Variants in WDR49 observed in about 807,000 individuals in gnomAD.
The protein encoded by WDR49 is WD repeat domain 49.
WDR49 carries 107 observed loss-of-function variants against 119.5 expected under a neutral mutation model. The observed-to-expected ratio is 0.90, with a 90% CI of 0.77 to 1.05. The LOEUF is 1.05. WDR49 is among the 50% of genes least tolerant of loss of function. WDR49 has a pLI of 0.00. For synonymous variants in WDR49, 425 were observed against 418.8 expected (o/e 1.01, Z -0.18); for missense variants, 1,240 against 1,220.5 (o/e 1.02, Z -0.24).
At chr3:167,535,423 G>C (rs1396957752) in intron 11 of WDR49, among the ~76,000 whole-genome samples, 1 of 152,014 alleles carries the variant, frequency 6.6e-6, no homozygotes, top group Non-Finnish European at 1.5e-5. Flanking sequence ...TTTAAAAATG[G>C]ACAAAAGACC....
intron 7 of WDR49, among the ~76,000 whole-genome samples, chr3:167,576,901 G>A (rs1051268993): frequency 4.6e-5 from 7 of 151,940 alleles, no homozygotes; most frequent in Middle Eastern, 3.2e-3. Flanking sequence ...ATATGTGTGT[G>A]TAGATACATG....
intron 2 of WDR49, among the ~76,000 whole-genome samples, chr3:167,646,823 C>CT (rs1718150406): frequency 6.6e-6 from 1 of 151,952 alleles, no homozygotes; most frequent in South Asian, 2.1e-4. Flanking sequence ...ATGTCGGTGC[C>CT]TAGAGAATCA....
intron 4 of WDR49, among the ~76,000 whole-genome samples, chr3:167,621,009 C>G (rs533141583): frequency 2.0e-5 from 3 of 151,276 alleles, no homozygotes; most frequent in African/African-American, 7.3e-5. Flanking sequence ...CAGAGCTGCC[C>G]TCTCTAATCC....
chr3:167,532,902 T>A lies in WDR49; in HGVS notation c.2030A>T (p.Gln677Leu), dbSNP rs765117156. Residue 677 changes from glutamine to leucine, a missense_variant, in exon 12 of 19, where the codon CAG (glutamine) becomes CTG (leucine). By Grantham distance (113) the Gln-to-Leu change is moderately radical. Transcript: ENST00000682715. ...NAHHVLHPDY[Q>L]RLLKSKLDTK... ...ACCTAATTTTGACTTTAGCAACCTC[T>A]GGTAATCAGGGTGAAGAACATGGTG... is the stretch of plus-strand genomic sequence containing the variant. 2 of 1,609,572 alleles carry A rather than the reference T, an allele frequency of 1.2e-6. No homozygotes were observed. The highest frequency in any genetic ancestry group is 2.7e-5 in the African/African-American group (2 of 74,794).
In WDR49 at chr3:167,532,899, C is replaced by A. The variant is rs761759468; in HGVS notation, c.2033G>T (p.Arg678Met). 1 of 1,608,932 alleles carries A rather than the reference C, an allele frequency of 6.2e-7. No individual in the cohort carries two copies. The highest frequency in any genetic ancestry group is 8.5e-7 in the Non-Finnish European group (1 of 1,176,962). The change falls in exon 12 of 19, where the codon AGG (arginine) becomes ATG (methionine). Residue 678 changes from arginine to methionine, a missense_variant. Physicochemically the swap from Arg to Met is moderately conservative, Grantham distance 91 (BLOSUM62 -1). Transcript: ENST00000682715. ...AHHVLHPDYQRLLKSKLDTKP... is the reference protein window; with the variant it reads ...AHHVLHPDYQMLLKSKLDTKP... The stretch of plus-strand genomic sequence containing the variant: ...CTTACCTAATTTTGACTTTAGCAAC[C>A]TCTGGTAATCAGGGTGAAGAACATG...
Position 167,576,046 on chromosome 3 carries a change from G to T in WDR49, c.1381C>A (p.His461Asn), listed in dbSNP as rs1041299384. 1 of 1,614,006 alleles carries T rather than the reference G, an allele frequency of 6.2e-7. No individual in the cohort carries two copies. Among genetic ancestry groups the T allele is most frequent in the African/African-American group, 1.3e-5 (1 of 74,902 alleles). ...TTAAACGAGATGAAAAGTCGTCCAT[G>T]GGCTTCATCAAAGTGGAAGAGACAT... ...FRCLFHFDEA[H>N]GRLFISFNNQ... Residue 461 changes from histidine (H) to asparagine (N), a missense_variant, in exon 8 of 19, where the codon CAT (histidine) becomes AAT (asparagine). By Grantham distance (68) the His-to-Asn change is moderately conservative (BLOSUM62 1). Transcript: ENST00000682715.
At chr3:167,500,427 A>C (rs1480335421) in intron 17 of WDR49, 128 bp from the exon 18 acceptor site, 3 of 1,087,906 alleles carry the variant, frequency 2.8e-6, no homozygotes, top group African/African-American at 1.6e-5. Flanking sequence ...CTCAGCTGGT[A>C]CAGCTGCAGT....
chr3:167,621,333 T>A, intron 4 of WDR49, 134 bp downstream of exon 4: 1 of 921,026 alleles, frequency 1.1e-6, no homozygotes, highest in Non-Finnish European at 1.5e-6. Flanking sequence ...ATCCATCTCT[T>A]CCATGTCCAA....
chr3:167,589,223 CACT>C (rs138997738), intron 7 of WDR49, among the ~76,000 whole-genome samples: 1 of 152,140 alleles, frequency 6.6e-6, no homozygotes, highest in Non-Finnish European at 1.5e-5. Flanking sequence ...TTCTTGGCAC[CACT>C]GTCTAAAATG....
intron 18 of WDR49, among the ~76,000 whole-genome samples, chr3:167,493,715 C>T (rs1751238995): frequency 1.3e-5 from 2 of 152,070 alleles, no homozygotes; most frequent in African/African-American, 4.8e-5. Flanking sequence ...AATATTGAAC[C>T]TAATTTTTAA....
At chr3:167,554,610 T>C (rs1285082980) in intron 10 of WDR49, 40 bp downstream of exon 10, 16 of 1,328,488 alleles carry the variant, frequency 1.2e-5, no homozygotes, top group Non-Finnish European at 1.6e-5. Context: ...TTCTTTTTTC[T>C]TTTAGATTTT....
chr3:167,484,237 C>T (rs1032897604), intron 18 of WDR49, among the ~76,000 whole-genome samples: 6 of 151,898 alleles, frequency 4.0e-5, no homozygotes, highest in African/African-American at 1.2e-4. Flanking sequence ...GAGATTATCC[C>T]GGATTATCTG....
intron 8 of WDR49, among the ~76,000 whole-genome samples, chr3:167,573,277 T>A (rs1714038669): frequency 6.6e-6 from 1 of 152,128 alleles, no homozygotes; most frequent in Non-Finnish European, 1.5e-5. Context: ...CTAAGCAGTC[T>A]GTCCAGTATT....
intron 16 of WDR49, among the ~76,000 whole-genome samples, chr3:167,517,206 T>C (rs564763741): frequency 4.9e-4 from 75 of 152,236 alleles, no homozygotes; most frequent in African/African-American, 1.6e-3. Context: ...AGAGCCTGTA[T>C]AGCCAAAACA....
chr3:167,620,530 T>C lies in WDR49; in HGVS notation c.857A>G (p.Glu286Gly). 3 of 1,535,868 alleles carry C rather than the reference T, an allele frequency of 2.0e-6. No individual in the cohort carries two copies. The African/African-American group carries it at 4.1e-5, about 21-fold the overall frequency. ...TGCCCAGTTAATGGTCATAGTGGCT[T>C]CTCCATCTTCACATGCACTAGCAGG... The part of the protein sequence containing the change: ...ERPASACEDG[E>G]ATMTINWAEL... The change falls in exon 5 of 19, where the codon GAA (glutamate) becomes GGA (glycine). Residue 286 changes from glutamate to glycine, a missense_variant. Physicochemically the swap from Glu to Gly is moderately conservative, Grantham distance 98. Coordinates refer to ENST00000682715, the MANE Select transcript of WDR49 (RefSeq NM_001366157.1).
At chr3:167,542,658 A>AAT (rs1711916886) in intron 10 of WDR49, among the ~76,000 whole-genome samples, 1 of 152,140 alleles carries the variant, frequency 6.6e-6, no homozygotes, top group Non-Finnish European at 1.5e-5. Context: ...TAGAAAGTTC[A>AAT]TAGCATTAAA....
chr3:167,530,664 A>G (rs1176198549), intron 13 of WDR49, among the ~76,000 whole-genome samples: 2 of 152,034 alleles, frequency 1.3e-5, no homozygotes, highest in Non-Finnish European at 2.9e-5. Context: ...TGTTCTTAAC[A>G]TCCATGCTCC....
At chr3:167,479,405 G>T (rs924161098) in intron 18 of WDR49, among the ~76,000 whole-genome samples, 2 of 151,968 alleles carry the variant, frequency 1.3e-5, no homozygotes, top group East Asian at 1.9e-4. Context: ...ATAAACAAGC[G>T]CATCTATAAT....
intron 7 of WDR49, among the ~76,000 whole-genome samples, chr3:167,577,940 T>C (rs1714332470): frequency 6.6e-6 from 1 of 152,144 alleles, no homozygotes; most frequent in African/African-American, 2.4e-5. Flanking sequence ...TACATATAAT[T>C]TATTTGGGTA....
Sources: gnomAD v4.1 joint callset for allele counts (sites outside exome capture counted in the v4.1 genomes callset) on GRCh38, gnomAD v4.1.1 for gene constraint, MANE v1.5 for transcripts, NCBI Gene and HGNC (gene_info 2026-07-23, HGNC 2026-07-21) for gene names.